The following GPBP1L1 variants were observed in gnomAD, a reference collection of about 807,000 sequenced individuals.
The protein encoded by GPBP1L1 is GC-rich promoter binding protein 1 like 1.
A neutral mutation model predicts 52.5 loss-of-function variants in GPBP1L1; 23 were observed. The observed-to-expected ratio is 0.44, with a 90% CI of 0.32 to 0.62. The LOEUF (loss-of-function observed/expected upper bound fraction) is 0.62, where lower values mean the gene tolerates loss of function less well. Among genes scored for constraint, GPBP1L1 ranks in the 20% least tolerant of loss-of-function variants. GPBP1L1 has a pLI of 0.06. For synonymous variants in GPBP1L1, 243 were observed against 203.1 expected (o/e 1.20, Z -1.67); for missense variants, 596 against 579.3 (o/e 1.03, Z -0.30).
Position 45,659,047 on chromosome 1 carries a change from G to C in GPBP1L1, c.41C>G (p.Ser14Ter). Residue 14 changes from serine (S) to a stop codon, truncating the protein, a stop_gained, in exon 4 of 13, where the codon TCA becomes TGA. Transcript: ENST00000355105. LOFTEE classifies it high-confidence loss of function. Reference sequence around the variant, plus strand: ...CAGTACCTTAGCTGACTGTGGTGTTGAGAAATTTAGCCAAGCAGGAACAAA... The same window carrying C: ...CAGTACCTTAGCTGACTGTGGTGTTCAGAAATTTAGCCAAGCAGGAACAAA... Reference protein sequence around the residue: ...HDFVPAWLNFSTPQSAKSPTA... With the variant: ...HDFVPAWLNF 6.2e-7 allele frequency: 1 copy of C among 1,612,698 alleles called. No homozygotes were observed. The highest frequency in any genetic ancestry group is 8.5e-7 in the Non-Finnish European group (1 of 1,178,684).
chr1:45,671,087 C>T (rs1645068973), intron 2 of GPBP1L1, among the ~76,000 whole-genome samples: 1 of 152,060 alleles, frequency 6.6e-6, no homozygotes, highest in Admixed American at 6.6e-5. Flanking sequence ...AGCCACCGCG[C>T]CCGGACTACC....
chr1:45,673,294 T>A (rs904907819), intron 2 of GPBP1L1, among the ~76,000 whole-genome samples: 2 of 152,138 alleles, frequency 1.3e-5, no homozygotes, highest in Non-Finnish European at 1.5e-5. Context: ...CAGCTAAAAG[T>A]ATGGGTAGGT....
chr1:45,638,046 T>C (rs1021122746), intron 8 of GPBP1L1, among the ~76,000 whole-genome samples: 6 of 152,342 alleles, frequency 3.9e-5, no homozygotes, highest in East Asian at 3.9e-4. Flanking sequence ...TTTGTAATAG[T>C]TGCTCTCTTC....
rs137873920 is a variant in GPBP1L1, at chr1:45,655,404, C to T, written c.61-85G>A. 4.0e-4 allele frequency: 572 copies of T among 1,431,872 alleles called. 6 individuals are homozygous for T. The African/African-American group carries it at 5.2e-3, about 13-fold the overall frequency. 88.7% of individuals were successfully genotyped at this position (1,431,872 alleles called of 1,614,324 possible). On this transcript the variant is annotated intron_variant, in intron 4 of 12. Coordinates refer to ENST00000355105, the MANE Select transcript of GPBP1L1 (RefSeq NM_021639.5). ...CTTAATAGGCTTTGCATCAGGCCTT[C>T]AAAAAACAAGTAATAATGGTGATAG...
intron 2 of GPBP1L1, among the ~76,000 whole-genome samples, chr1:45,682,519 G>C (rs1232533240): frequency 6.6e-6 from 1 of 152,134 alleles, no homozygotes; most frequent in Non-Finnish European, 1.5e-5. Flanking sequence ...ACTCCTTTAA[G>C]AGTAATTGCT....
intron 2 of GPBP1L1, among the ~76,000 whole-genome samples, chr1:45,661,630 T>C (rs1030857558): frequency 5.3e-5 from 8 of 152,082 alleles, no homozygotes; most frequent in African/African-American, 1.7e-4. Flanking sequence ...TAATTTTTTG[T>C]ATCTTTAGTA....
At chr1:45,636,031 G>C (rs867637509) in intron 8 of GPBP1L1, among the ~76,000 whole-genome samples, 1 of 151,878 alleles carries the variant, frequency 6.6e-6, no homozygotes, top group Non-Finnish European at 1.5e-5. Context: ...TCTTTCACTC[G>C]TTCATTAACT....
At chr1:45,659,554 C>G (rs183408818) in intron 3 of GPBP1L1, among the ~76,000 whole-genome samples, 3 of 152,194 alleles carry the variant, frequency 2.0e-5, no homozygotes, top group Non-Finnish European at 4.4e-5. Flanking sequence ...CATCAAAGAA[C>G]ATGAAGAATT....
intron 6 of GPBP1L1, among the ~76,000 whole-genome samples, chr1:45,648,391 C>G (rs1427009363): frequency 2.0e-5 from 3 of 152,184 alleles, no homozygotes; most frequent in Non-Finnish European, 4.4e-5. Flanking sequence ...CAGTCAGATC[C>G]TTCATACCTT....
chr1:45,648,752 G>A (rs1166087996), intron 6 of GPBP1L1, among the ~76,000 whole-genome samples: 1 of 152,212 alleles, frequency 6.6e-6, no homozygotes, highest in African/African-American at 2.4e-5. Context: ...TCAGGGCTGA[G>A]CACAGTGGCT....
At chr1:45,677,573 A>G (rs1645162327) in intron 2 of GPBP1L1, among the ~76,000 whole-genome samples, 1 of 151,930 alleles carries the variant, frequency 6.6e-6, no homozygotes. Flanking sequence ...TCTATTATGG[A>G]GTCTAATAAA....
At chr1:45,675,567 G>A (rs1224145982) in intron 2 of GPBP1L1, among the ~76,000 whole-genome samples, 1 of 151,612 alleles carries the variant, frequency 6.6e-6, no homozygotes, top group East Asian at 1.9e-4. Context: ...TTTGAGACAG[G>A]GTCTCACTCT....
chr1:45,643,152 TAAGAATCCTTA>T lies in GPBP1L1; in HGVS notation c.478-664_478-654del, dbSNP rs1332833003. ...GAAAAGGCTTTACTAACAGGTGATTTAAGAATCCTTAAAGATGAATTCCAAAGCTGGAAAAA... is the reference window on the plus strand; with the variant it reads ...GAAAAGGCTTTACTAACAGGTGATTTAAGATGAATTCCAAAGCTGGAAAAA... On this transcript the variant is annotated intron_variant, in intron 6 of 12. Transcript: ENST00000355105. Among the ~76,000 whole-genome samples, 6 of 152,294 alleles carry T rather than the reference TAAGAATCCTTA, an allele frequency of 3.9e-5. No individual in the cohort carries two copies. In the East Asian group the frequency reaches 1.2e-3, roughly 29 times the overall value.
At position 45,660,196 on chromosome 1, in the gene GPBP1L1, C is replaced by T. The variant is rs1396067531; in HGVS notation, c.-68G>A. 2.0e-6 allele frequency: 2 copies of T among 985,116 alleles called. No individual in the cohort carries two copies. The highest frequency in any genetic ancestry group is 3.5e-5 in the African/African-American group (2 of 57,204). 61.0% of individuals were successfully genotyped at this position (985,116 alleles called of 1,614,324 possible). A position where few individuals can be genotyped will look rare whatever the true frequency, so the allele number is the denominator to read the frequency against. On this transcript the variant is annotated 5_prime_UTR_variant, in exon 3 of 13. Transcript: ENST00000355105. ...GGAGAATATTTACCCCAGAGTGTAA[C>T]CTCTGTGGTCCTGTTTCTGAACTCG...
intron 2 of GPBP1L1, among the ~76,000 whole-genome samples, chr1:45,673,458 C>T (rs960372420): frequency 6.6e-6 from 1 of 152,240 alleles, no homozygotes; most frequent in African/African-American, 2.4e-5. Context: ...CTCACTGACC[C>T]ATACCCAATT....
chr1:45,676,443 A>T (rs866772465), intron 2 of GPBP1L1, among the ~76,000 whole-genome samples: 21 of 152,094 alleles, frequency 1.4e-4, no homozygotes, highest in African/African-American at 4.8e-4. Flanking sequence ...TCTACAAAAA[A>T]ACACAAAAAA....
Position 45,659,016 on chromosome 1 carries a change from G to A in GPBP1L1, c.60+12C>T, listed in dbSNP as rs760838282. 6.4e-7 allele frequency: 1 copy of A among 1,553,028 alleles called. No homozygotes were observed. The highest frequency in any genetic ancestry group is 8.9e-7 in the Non-Finnish European group (1 of 1,124,326). On this transcript the variant is annotated intron_variant, in intron 4 of 12. Transcript: ENST00000355105. ...ATATTTGAGAAGTTACTACAGGAATGGAGAACAGTACCTTAGCTGACTGTG... is the reference window on the plus strand; with the variant it reads ...ATATTTGAGAAGTTACTACAGGAATAGAGAACAGTACCTTAGCTGACTGTG...
chr1:45,639,241 C>T (rs1264887736), intron 8 of GPBP1L1, among the ~76,000 whole-genome samples: 1 of 151,966 alleles, frequency 6.6e-6, no homozygotes, highest in Non-Finnish European at 1.5e-5. Context: ...TTCTGTAGGA[C>T]ACAGAGACAT....
chr1:45,654,860 T>C (rs894842841), intron 5 of GPBP1L1, 31 bp from the exon 6 acceptor site: 20 of 1,592,970 alleles, frequency 1.3e-5, no homozygotes, highest in South Asian at 5.6e-5. Context: ...ACTAATTAGA[T>C]TGTTTGCTTC....
Sources: gnomAD v4.1 joint callset for allele counts (sites outside exome capture counted in the v4.1 genomes callset) on GRCh38, gnomAD v4.1.1 for gene constraint, MANE v1.5 for transcripts, NCBI Gene and HGNC (gene_info 2026-07-23, HGNC 2026-07-21) for gene names.